NIPBL: variants seen among roughly 807,000 people sequenced by gnomAD.
NIPBL encodes nipped-B-like protein.
NIPBL carries 19 observed loss-of-function variants against 321.8 expected under a neutral mutation model. The ratio of observed to expected loss-of-function variants is 0.06; its 90% CI spans 0.04 to 0.09. NIPBL has a LOEUF of 0.09. Among genes scored for constraint, NIPBL ranks in the 10% least tolerant of loss-of-function variants. The pLI, the probability that NIPBL is intolerant of heterozygous loss-of-function variation, is 1.00. For missense variants in NIPBL, 2,210 were observed against 3,327.0 expected (o/e 0.66, Z 8.26); for synonymous variants, 1,106 against 1,114.1 (o/e 0.99, Z 0.14).
At chr5:36,978,174 A>G (rs758161035) in intron 9 of NIPBL, among the ~76,000 whole-genome samples, 12 of 152,008 alleles carry the variant, frequency 7.9e-5, no homozygotes, top group African/African-American at 2.2e-4. Context: ...TCTTTGAGAA[A>G]TCTCCATACT....
rs751316937 is a variant in NIPBL, at chr5:37,022,356, A to T, written c.5540A>T (p.Glu1847Val). The change falls in exon 29 of 47, where the codon GAA (glutamate) becomes GTA (valine). Residue 1847 changes from glutamate (E) to valine (V), a missense_variant. Physicochemically the swap from Glu to Val is moderately radical, Grantham distance 121 (BLOSUM62 -2). This residue lies in a region of NIPBL where 49 missense variants were observed against 163.6 expected (regional missense o/e 0.30). Transcript: ENST00000282516. ...GTCCTTTGTCGACCTCAGCTTGCTG[A>T]ACAGTATTATGATATGCTGATTGAA... ...RFVLCRPQLA[E>V]QYYDMLIERI... 6.2e-7 allele frequency: 1 copy of T among 1,613,924 alleles called. No homozygotes were observed.
At position 37,065,224 on chromosome 5, in the gene NIPBL, T is replaced by C; in HGVS notation, c.*332T>C. The stretch of plus-strand genomic sequence containing the variant: ...GTTAATGTTCTTAATAAAGTGTTCT[T>C]GGAGTTTAACCTAGCAGCGGATGGC... On this transcript the variant is annotated 3_prime_UTR_variant, in exon 47 of 47. Transcript: ENST00000282516. The C allele has an allele frequency of 6.5e-6, 2 of 307,822 alleles. No homozygotes were observed. The highest frequency in any genetic ancestry group is 1.2e-5 in the Non-Finnish European group (2 of 162,062). The allele number at this position is 307,822 out of a possible 1,614,324, so 19.1% of individuals were successfully genotyped here. A position where few individuals can be genotyped will look rare whatever the true frequency, so the allele number is the denominator to read the frequency against.
chr5:36,939,550 G>A (rs919368866), intron 1 of NIPBL, among the ~76,000 whole-genome samples: 2 of 152,164 alleles, frequency 1.3e-5, no homozygotes, highest in Non-Finnish European at 2.9e-5. Context: ...TGCATTGAAG[G>A]ACATTTGTTT....
intron 1 of NIPBL, among the ~76,000 whole-genome samples, chr5:36,932,881 C>G (rs998577833): frequency 1.2e-4 from 17 of 146,414 alleles, no homozygotes; most frequent in African/African-American, 3.8e-4. Flanking sequence ...ATACTACAGA[C>G]TCACACTCTC....
chr5:36,970,756 A>C (rs1222964297), intron 6 of NIPBL, 120 bp from the exon 7 acceptor site: 1 of 850,810 alleles, frequency 1.2e-6, no homozygotes, highest in Middle Eastern at 3.3e-4. Context: ...TCAGTACATG[A>C]GTATCTGTTA....
At chr5:36,908,221 A>T (rs1747787417) in intron 1 of NIPBL, among the ~76,000 whole-genome samples, 2 of 152,182 alleles carry the variant, frequency 1.3e-5, no homozygotes, top group African/African-American at 4.8e-5. Flanking sequence ...TTTTTTGAGG[A>T]TAAAGAGATG....
chr5:37,037,394 T>A lies in NIPBL; in HGVS notation c.5971+907T>A, dbSNP rs213993. Among the ~76,000 whole-genome samples the A allele has an allele frequency of 4.3e-3, 604 of 140,946 alleles. 3 individuals are homozygous for A. The highest frequency in any genetic ancestry group is 0.012 in the South Asian group (54 of 4,416). 92.5% of individuals were successfully genotyped at this position (140,946 alleles called of 152,430 possible). ...CAGAGGGAGACTCCGTCTCAAAAAATATATATATATATATGTATATATATA... is the reference window on the plus strand; with the variant it reads ...CAGAGGGAGACTCCGTCTCAAAAAAAATATATATATATATGTATATATATA... On this transcript the variant is annotated intron_variant, in intron 33 of 46. Transcript: ENST00000282516.
chr5:37,000,684 C>G, intron 12 of NIPBL, 114 bp downstream of exon 12: 2 of 1,313,006 alleles, frequency 1.5e-6, no homozygotes, highest in Non-Finnish European at 2.2e-6. Context: ...TCAATTAAGA[C>G]AAAAATACTT....
At chr5:36,878,449 CTCAG>C (rs1489860456) in intron 1 of NIPBL, among the ~76,000 whole-genome samples, 1 of 152,252 alleles carries the variant, frequency 6.6e-6, no homozygotes, top group African/African-American at 2.4e-5. Flanking sequence ...TTTAAAATTC[CTCAG>C]TCAGGCAAAT....
At chr5:37,021,980 G>A in intron 27 of NIPBL, 71 bp from the exon 28 acceptor site, 1 of 1,147,914 alleles carries the variant, frequency 8.7e-7, no homozygotes, top group Non-Finnish European at 1.3e-6. Flanking sequence ...TCTTTTGCAT[G>A]TTTTCATGCT....
At chr5:37,034,763 A>G (rs189130833) in intron 32 of NIPBL, among the ~76,000 whole-genome samples, 163 of 152,342 alleles carry the variant, frequency 1.1e-3, no homozygotes, top group African/African-American at 3.8e-3. Flanking sequence ...AAAATGGGAT[A>G]AGGGAAGGAG....
At chr5:37,019,172 C>T in intron 24 of NIPBL, 139 bp from the exon 25 acceptor site, 1 of 662,220 alleles carries the variant, frequency 1.5e-6, no homozygotes, top group Non-Finnish European at 2.7e-6. Flanking sequence ...TAATATTTTT[C>T]TGTTTTTTCC....
intron 14 of NIPBL, 124 bp from the exon 15 acceptor site, chr5:37,002,538 G>A (rs1746941606): frequency 2.9e-6 from 2 of 698,392 alleles, no homozygotes; most frequent in South Asian, 1.5e-5. Context: ...TTTATATATA[G>A]AGGCGTCTTA....
intron 4 of NIPBL, 42 bp from the exon 5 acceptor site, chr5:36,961,442 G>T (rs764655155): frequency 7.7e-5 from 88 of 1,142,218 alleles, no homozygotes; most frequent in Non-Finnish European, 1.1e-4. Flanking sequence ...ACACTTTACT[G>T]TTAGAAGAAA....
intron 6 of NIPBL, 119 bp from the exon 7 acceptor site, chr5:36,970,757 G>A (rs1742764262): frequency 1.2e-6 from 1 of 864,716 alleles, no homozygotes; most frequent in Non-Finnish European, 1.9e-6. Flanking sequence ...CAGTACATGA[G>A]TATCTGTTAT....
At chr5:36,981,400 C>T (rs563963139) in intron 9 of NIPBL, among the ~76,000 whole-genome samples, 43 of 151,672 alleles carry the variant, frequency 2.8e-4, no homozygotes, top group African/African-American at 9.2e-4. Context: ...ACCCTTGTTC[C>T]GCAGAAGAAA....
intron 32 of NIPBL, among the ~76,000 whole-genome samples, chr5:37,030,089 A>G (rs1405614568): frequency 6.6e-6 from 1 of 152,216 alleles, no homozygotes; most frequent in Non-Finnish European, 1.5e-5. Context: ...GGATTACTAA[A>G]AAGAATCTAC....
rs1166806732 is a variant in NIPBL at position 37,016,302 on chromosome 5, G to A, written c.4776+132G>A. The A allele has an allele frequency of 1.9e-5, 18 of 948,540 alleles. 1 individual carries two copies. Among genetic ancestry groups the A allele is most frequent in the African/African-American group, 3.3e-5 (2 of 61,504 alleles). 58.8% of individuals were successfully genotyped at this position (948,540 alleles called of 1,614,324 possible). On this transcript the variant is annotated intron_variant, in intron 23 of 46. Transcript: ENST00000282516. ...GAACATTGCATCTCTTTTTGCATGT[G>A]CATAACTGTACACAATATTGTCAGT...
chr5:36,940,498 T>A (rs1223597674), intron 1 of NIPBL, among the ~76,000 whole-genome samples: 1 of 152,176 alleles, frequency 6.6e-6, no homozygotes, highest in African/African-American at 2.4e-5. Flanking sequence ...TTCAGGGACT[T>A]GAGCATGTTA....
Sources: allele counts gnomAD v4.1 joint callset (sites outside exome capture counted in the v4.1 genomes callset), GRCh38; gene constraint gnomAD v4.1.1; regional missense constraint gnomAD v4.1.1; transcripts MANE v1.5; gene names NCBI Gene and HGNC (gene_info 2026-07-23, HGNC 2026-07-21).